The following MGAT4C variants were observed in gnomAD, a reference collection of about 807,000 sequenced individuals.
MGAT4C encodes the protein MGAT4 family member C.
MGAT4C carries 19 observed loss-of-function variants against 40.1 expected under a neutral mutation model. The ratio of observed to expected loss-of-function variants is 0.47; its 90% confidence interval spans 0.33 to 0.70. The LOEUF is 0.70. Among genes scored for constraint, MGAT4C ranks in the 30% least tolerant of loss-of-function variants. MGAT4C has a pLI of 0.02. For synonymous variants in MGAT4C, 181 were observed against 187.1 expected, an observed-to-expected ratio of 0.97 and a Z score of 0.27; for missense variants, 491 against 563.2, an observed-to-expected ratio of 0.87 and a Z score of 1.30.
chr12:86,351,878 G>T (rs2136192489), intron 3 of MGAT4C, among the ~76,000 whole-genome samples: 1 of 152,128 alleles, frequency 6.6e-6, no homozygotes, highest in Middle Eastern at 3.4e-3. Context: ...TCATTATATG[G>T]TTGATAAGTG....
intron 1 of MGAT4C, among the ~76,000 whole-genome samples, chr12:86,771,448 T>C (rs1490893656): frequency 6.6e-5 from 10 of 151,944 alleles, no homozygotes; most frequent in Admixed American, 6.6e-4. Context: ...AGATTGATGG[T>C]AGAAATATGG....
At chr12:86,762,333 G>A (rs1433596062) in intron 1 of MGAT4C, among the ~76,000 whole-genome samples, 1 of 152,114 alleles carries the variant, frequency 6.6e-6, no homozygotes, top group African/African-American at 2.4e-5. Context: ...TTACAGGAGT[G>A]AGCCACCCTG....
intron 1 of MGAT4C, among the ~76,000 whole-genome samples, chr12:86,154,708 C>A (rs1225653800): frequency 6.6e-6 from 1 of 152,182 alleles, no homozygotes; most frequent in Admixed American, 6.5e-5. Flanking sequence ...AAGTGAATTT[C>A]GTTTTTGGCA....
chr12:86,816,762 T>C (rs1003715700), intron 1 of MGAT4C, among the ~76,000 whole-genome samples: 1 of 151,662 alleles, frequency 6.6e-6, no homozygotes, highest in South Asian at 2.1e-4. Context: ...ATATCTGTTG[T>C]TAGCAATCAT....
At chr12:86,596,799 T>C (rs185288532) in intron 2 of MGAT4C, among the ~76,000 whole-genome samples, 297 of 152,300 alleles carry the variant, frequency 2.0e-3, no homozygotes, top group African/African-American at 7.1e-3. Flanking sequence ...TGGCATATTT[T>C]GACCAAAATG....
chr12:86,278,981 T>C (rs1953146628), intron 4 of MGAT4C, among the ~76,000 whole-genome samples: 1 of 31,918 alleles, frequency 3.1e-5, no homozygotes, highest in African/African-American at 7.1e-5. Flanking sequence ...CACATCCTTA[T>C]ATCCCTGTGA....
intron 2 of MGAT4C, among the ~76,000 whole-genome samples, chr12:86,541,990 T>G (rs1250503946): frequency 1.3e-5 from 2 of 152,202 alleles, no homozygotes; most frequent in Admixed American, 1.3e-4. Flanking sequence ...TTAATATTCT[T>G]TAACAAAAAC....
chr12:86,396,779 T>C (rs1956270557), intron 3 of MGAT4C, among the ~76,000 whole-genome samples: 1 of 152,134 alleles, frequency 6.6e-6, no homozygotes, highest in South Asian at 2.1e-4. Flanking sequence ...GACTCATTCA[T>C]GAAAAAAGCA....
chr12:86,374,220 C>T (rs1034071919), intron 3 of MGAT4C, among the ~76,000 whole-genome samples: 3 of 151,946 alleles, frequency 2.0e-5, no homozygotes, highest in Non-Finnish European at 4.4e-5. Flanking sequence ...TATATTGAAG[C>T]AGGATTACAG....
chr12:86,576,836 T>C (rs573822803), intron 2 of MGAT4C, among the ~76,000 whole-genome samples: 2 of 151,938 alleles, frequency 1.3e-5, no homozygotes, highest in Non-Finnish European at 2.9e-5. Flanking sequence ...CATTTTAGGA[T>C]CTTATTTTCT....
chr12:86,460,249 ACCTGGGCTCCAAATACTTCATCCT>A (rs1957578178), intron 2 of MGAT4C, among the ~76,000 whole-genome samples: 1 of 152,176 alleles, frequency 6.6e-6, no homozygotes, highest in African/African-American at 2.4e-5. Context: ...TGTGAAATAC[ACCTGGGCTCCAAATACTTCATCCT>A]CCTGGGGAGA....
chr12:86,778,679 C>G (rs957959174), intron 1 of MGAT4C, among the ~76,000 whole-genome samples: 1 of 152,128 alleles, frequency 6.6e-6, no homozygotes, highest in African/African-American at 2.4e-5. Flanking sequence ...TAGGACGTAG[C>G]TTTTCTACCA....
chr12:86,294,689 A>T (rs76522178), intron 4 of MGAT4C, among the ~76,000 whole-genome samples: 12,095 of 152,204 alleles, frequency 0.079, 682 homozygotes, highest in Middle Eastern at 0.21. Context: ...GGGGGGAAAA[A>T]AGTTAAATAC....
intron 2 of MGAT4C, among the ~76,000 whole-genome samples, chr12:86,557,350 G>A (rs867996823): frequency 3.3e-5 from 5 of 152,094 alleles, no homozygotes; most frequent in South Asian, 2.1e-4. Context: ...TGTACAAGTC[G>A]CTTGGGGTCC....
intron 4 of MGAT4C, among the ~76,000 whole-genome samples, chr12:86,284,489 A>G (rs182194030): frequency 1.3e-4 from 19 of 151,960 alleles, no homozygotes; most frequent in Non-Finnish European, 7.4e-5. Flanking sequence ...AAAATCTGCC[A>G]AAAAAATACC....
intron 4 of MGAT4C, among the ~76,000 whole-genome samples, chr12:86,313,039 C>T (rs568437387): frequency 6.6e-6 from 1 of 152,246 alleles, no homozygotes; most frequent in African/African-American, 2.4e-5. Flanking sequence ...TATTAGCCCA[C>T]TCTGCATGTT....
chr12:86,564,302 T>G (rs1383805670), intron 2 of MGAT4C, among the ~76,000 whole-genome samples: 1 of 152,220 alleles, frequency 6.6e-6, no homozygotes, highest in Non-Finnish European at 1.5e-5. Context: ...CCTTTTTTTT[T>G]TTCTATTCCT....
At chr12:86,597,701 C>G (rs896827131) in intron 2 of MGAT4C, among the ~76,000 whole-genome samples, 2 of 152,132 alleles carry the variant, frequency 1.3e-5, no homozygotes, top group African/African-American at 4.8e-5. Context: ...CAGGAGCTGA[C>G]TTACCAAAGA....
intron 2 of MGAT4C, among the ~76,000 whole-genome samples, chr12:86,009,216 C>A (rs537235177): frequency 3.7e-4 from 57 of 152,198 alleles, no homozygotes; most frequent in African/African-American, 1.3e-3. Context: ...TAGAATAATT[C>A]TCTTTTAGAA....
Sources: allele counts gnomAD v4.1 joint callset (sites outside exome capture counted in the v4.1 genomes callset), GRCh38; gene constraint gnomAD v4.1.1; transcripts MANE v1.5; gene names NCBI Gene and HGNC (gene_info 2026-07-23, HGNC 2026-07-21).